SLC8A1: variants seen among roughly 807,000 people sequenced by gnomAD.
SLC8A1 encodes the protein sodium/calcium exchanger 1.
SLC8A1 carries 18 observed loss-of-function variants against 68.3 expected under a neutral mutation model. The ratio of observed to expected loss-of-function variants is 0.26; its 90% CI spans 0.18 to 0.39. The LOEUF (loss-of-function observed/expected upper bound fraction) is 0.39, where lower values mean the gene tolerates loss of function less well. SLC8A1 is among the 10% of genes least tolerant of loss of function. SLC8A1 has a pLI of 1.00. For missense variants in SLC8A1, 985 were observed against 1,156.7 expected (o/e 0.85, Z 2.15); for synonymous variants, 475 against 415.5 (o/e 1.14, Z -1.74).
rs60576949 is a variant in SLC8A1, at chr2:40,408,719, G to A, written c.1808+19754C>T. Among the ~76,000 whole-genome samples the A allele has an allele frequency of 1.9e-3, 288 of 152,270 alleles. 2 individuals carry two copies. Among genetic ancestry groups the A allele is most frequent in the African/African-American group, 6.5e-3 (270 of 41,548 alleles). ...AGTGGTAAAACAGCACGAAAGACCT[G>A]TATTTCGAAGGGGCACCAGTTAGAT... On this transcript the variant is annotated intron_variant, in intron 2 of 7. Coordinates refer to ENST00000406785, the Ensembl canonical transcript of SLC8A1.
intron 2 of SLC8A1, among the ~76,000 whole-genome samples, chr2:40,215,400 G>A (rs1345801740): frequency 1.3e-5 from 2 of 152,042 alleles, no homozygotes; most frequent in African/African-American, 2.4e-5. Context: ...CACTTTGGGA[G>A]GCCGAGGCGG....
chr2:40,112,527 G>A (rs529768555), exon 8 of SLC8A1: 3 of 152,674 alleles, frequency 2.0e-5, no homozygotes, highest in Admixed American at 6.5e-5. Flanking sequence ...GTGAAAATTT[G>A]CTACAGGATT....
chr2:40,252,905 G>A (rs375051729), intron 2 of SLC8A1, among the ~76,000 whole-genome samples: 1 of 114,230 alleles, frequency 8.8e-6, no homozygotes, highest in African/African-American at 3.5e-5. Context: ...TTATATGTAT[G>A]TATATGTGTA....
chr2:40,265,160 A>T lies in SLC8A1; in HGVS notation c.1809-87305T>A, dbSNP rs1402800816. ...CAGGATCCTGTATCCTGAATTAAGG[A>T]CAATGTAGAGTAGACGATGGGCATG... is the stretch of plus-strand genomic sequence containing the variant. On this transcript the variant is annotated intron_variant, in intron 2 of 7. Coordinates refer to ENST00000406785, the Ensembl canonical transcript of SLC8A1. Among the ~76,000 whole-genome samples the T allele has an allele frequency of 2.0e-5, 3 of 152,186 alleles. No homozygotes were observed. The East Asian group carries it at 5.8e-4, about 29-fold the overall frequency.
intron 2 of SLC8A1, among the ~76,000 whole-genome samples, chr2:40,391,142 A>AT (rs1559496011): frequency 6.7e-6 from 1 of 148,852 alleles, no homozygotes; most frequent in African/African-American, 2.5e-5. Context: ...TTCTCCTTAA[A>AT]ATATATATAT....
At position 40,498,220 on chromosome 2, in the gene SLC8A1, G is replaced by A. The variant is rs546600334; in HGVS notation, c.-25+14129C>T. ...GCAGAAATGGGCTGAATAGACAGTT[G>A]CATATATTGGTTGGACGGTGAACAA... is the stretch of plus-strand genomic sequence containing the variant. On this transcript the variant is annotated intron_variant, in intron 1 of 7. Transcript: ENST00000402441. Among the ~76,000 whole-genome samples the A allele has an allele frequency of 9.2e-5, 14 of 152,166 alleles. No homozygotes were observed. The South Asian group carries it at 2.5e-3, about 27-fold the overall frequency.
intron 2 of SLC8A1, among the ~76,000 whole-genome samples, chr2:40,260,372 A>T (rs1367288340): frequency 6.6e-6 from 1 of 152,208 alleles, no homozygotes; most frequent in Non-Finnish European, 1.5e-5. Flanking sequence ...AACTTGGAAT[A>T]TAAATAACAG....
exon 8 of SLC8A1, chr2:40,098,111 G>C (rs1441063144): frequency 6.6e-6 from 1 of 151,642 alleles, no homozygotes; most frequent in Non-Finnish European, 1.5e-5. Context: ...TTTTATTTTG[G>C]TGTGTTTTGT....
chr2:40,354,818 A>C (rs373282003), intron 2 of SLC8A1, among the ~76,000 whole-genome samples: 1 of 152,174 alleles, frequency 6.6e-6, no homozygotes, highest in Non-Finnish European at 1.5e-5. Flanking sequence ...ATCTTATTAC[A>C]TCAAAGTGGC....
At chr2:40,443,563 G>C (rs76634646) in intron 1 of SLC8A1, among the ~76,000 whole-genome samples, 1 of 152,288 alleles carries the variant, frequency 6.6e-6, no homozygotes, top group African/African-American at 2.4e-5. Flanking sequence ...GGGACAAAAA[G>C]TAGCTTCTAT....
chr2:40,109,367 C>T (rs1446799595), exon 8 of SLC8A1: 1 of 152,178 alleles, frequency 6.6e-6, no homozygotes, highest in Admixed American at 6.5e-5. Context: ...TCCCAATCCA[C>T]ACCTACATAT....
chr2:40,226,806 T>A (rs549130212), intron 2 of SLC8A1, among the ~76,000 whole-genome samples: 33 of 152,252 alleles, frequency 2.2e-4, no homozygotes, highest in African/African-American at 7.2e-4. Flanking sequence ...ATCCTGAAAT[T>A]AGTTAATGGA....
intron 2 of SLC8A1, among the ~76,000 whole-genome samples, chr2:40,311,102 G>T (rs899352441): frequency 6.6e-6 from 1 of 152,044 alleles, no homozygotes; most frequent in African/African-American, 2.4e-5. Context: ...TACATTAATA[G>T]ATTAGTATCA....
chr2:40,163,523 G>A (rs950819847), intron 5 of SLC8A1, among the ~76,000 whole-genome samples: 2 of 152,156 alleles, frequency 1.3e-5, no homozygotes, highest in Non-Finnish European at 2.9e-5. Flanking sequence ...TGAGTAGATG[G>A]GTCACCAGAA....
At chr2:40,243,498 A>C (rs927947605) in intron 2 of SLC8A1, among the ~76,000 whole-genome samples, 1 of 152,186 alleles carries the variant, frequency 6.6e-6, no homozygotes, top group Non-Finnish European at 1.5e-5. Flanking sequence ...AGAGAAAAAG[A>C]AAAGAAAGAT....
chr2:40,126,757 G>A lies in SLC8A1; in HGVS notation c.2438-11128C>T, dbSNP rs1331602863. Among the ~76,000 whole-genome samples, 9 of 151,978 alleles carry A rather than the reference G, an allele frequency of 5.9e-5. No individual in the cohort carries two copies. The South Asian group carries it at 8.3e-4, about 14-fold the overall frequency. On this transcript the variant is annotated intron_variant, in intron 7 of 7. Coordinates refer to ENST00000406785, the Ensembl canonical transcript of SLC8A1. Reference sequence around the variant, plus strand: ...CTCCATTCTATGGCTCCATGATCTCGTTTAATTTTCTTCTCAGCAGTGTTC... The same window carrying A: ...CTCCATTCTATGGCTCCATGATCTCATTTAATTTTCTTCTCAGCAGTGTTC...
intron 2 of SLC8A1, among the ~76,000 whole-genome samples, chr2:40,396,653 CTA>C (rs1055140293): frequency 6.8e-6 from 1 of 146,644 alleles, no homozygotes; most frequent in African/African-American, 2.6e-5. Context: ...TTCTGTAATC[CTA>C]TGTTTCTTTA....
chr2:40,433,649 A>G (rs1039393483), intron 1 of SLC8A1, among the ~76,000 whole-genome samples: 2 of 152,188 alleles, frequency 1.3e-5, no homozygotes, highest in Non-Finnish European at 2.9e-5. Flanking sequence ...TGGAGGTTGG[A>G]TAACTGAGGC....
chr2:40,225,559 G>C (rs941567853), intron 2 of SLC8A1, among the ~76,000 whole-genome samples: 1 of 152,116 alleles, frequency 6.6e-6, no homozygotes, highest in African/African-American at 2.4e-5. Flanking sequence ...AATGAATCTT[G>C]CAGAATCTCT....
Sources: allele counts gnomAD v4.1 joint callset (sites outside exome capture counted in the v4.1 genomes callset), GRCh38; gene constraint gnomAD v4.1.1; transcripts MANE v1.5; gene names NCBI Gene and HGNC (gene_info 2026-07-23, HGNC 2026-07-21).